CCNL1: variants seen among roughly 807,000 people sequenced by gnomAD.
CCNL1 encodes cyclin L1.
Under a neutral mutation model 60.6 loss-of-function variants are expected in CCNL1, and 13 were observed. The observed-to-expected ratio is 0.21, with a 90% CI of 0.14 to 0.34. CCNL1 has a LOEUF of 0.34. Among genes scored for constraint, CCNL1 ranks in the 10% least tolerant of loss-of-function variants. CCNL1 has a pLI of 1.00. For missense variants in CCNL1, 481 were observed against 664.3 expected (o/e 0.72, Z 3.03); for synonymous variants, 270 against 244.3 (o/e 1.10, Z -0.98).
chr3:157,152,455 G>A lies in CCNL1; in HGVS notation c.610-214C>T, dbSNP rs563938216. ...TAGAAGCATATTTCAAAATTGTACA[G>A]GAAAAAAGGCAATTAAAAGAATATT... On this transcript the variant is annotated intron_variant, in intron 4 of 10. Transcript: ENST00000295926. The A allele has an allele frequency of 4.1e-4, 510 of 1,255,530 alleles. 1 individual carries two copies. The highest frequency in any genetic ancestry group is 4.8e-4 in the Non-Finnish European group (480 of 995,560). 77.8% of individuals were successfully genotyped at this position (1,255,530 alleles called of 1,614,324 possible). A position where few individuals can be genotyped will look rare whatever the true frequency, so the allele number is the denominator to read the frequency against.
intron 3 of CCNL1, 187 bp downstream of exon 3, chr3:157,158,679 G>T (rs140087826): frequency 2.1e-6 from 1 of 472,984 alleles, no homozygotes; most frequent in Non-Finnish European, 3.8e-6. Flanking sequence ...TTAGATAACC[G>T]GTTAATTATG....
chr3:157,150,584 CTATA>C, intron 5 of CCNL1: 2 of 1,298,528 alleles, frequency 1.5e-6, no homozygotes, highest in Non-Finnish European at 2.0e-6. Context: ...TGCGATTTTC[CTATA>C]TATGAGCGAA....
intron 5 of CCNL1, chr3:157,151,835 G>C: frequency 8.6e-7 from 1 of 1,159,372 alleles, no homozygotes; most frequent in Non-Finnish European, 1.1e-6. Flanking sequence ...GCTTGCACTG[G>C]ATTGGCTGGA....
chr3:157,149,987 GA>G lies in CCNL1; in HGVS notation c.880-11del, dbSNP rs61216814. ...GTAATTCATAGTTTGGCTGTTGGAG[GA>G]AAAAAAAGTTAGTATTTCTTCCTTA... On this transcript the variant is annotated splice_polypyrimidine_tract_variant and intron_variant, in intron 7 of 10. Coordinates refer to ENST00000295926, the MANE Select transcript of CCNL1 (RefSeq NM_020307.4). 6.2e-7 allele frequency: 1 copy of G among 1,600,882 alleles called. No individual in the cohort carries two copies. The highest frequency in any genetic ancestry group is 8.5e-7 in the Non-Finnish European group (1 of 1,173,826).
intron 1 of CCNL1, 146 bp downstream of exon 1, chr3:157,159,646 G>C: frequency 1.0e-6 from 1 of 1,004,580 alleles, no homozygotes; most frequent in Non-Finnish European, 1.4e-6. Context: ...CCCCGCCCCG[G>C]CACGCCCCGG....
In CCNL1 at chr3:157,147,624, A is replaced by C; in HGVS notation, c.*617T>G. The C allele has an allele frequency of 1.0e-6, 1 of 985,320 alleles. No homozygotes were observed. The highest frequency in any genetic ancestry group is 1.2e-6 in the Non-Finnish European group (1 of 829,824). The allele number at this position is 985,320 out of a possible 1,614,324, so 61.0% of individuals were successfully genotyped here. A position where few individuals can be genotyped will look rare whatever the true frequency, so the allele number is the denominator to read the frequency against. On this transcript the variant is annotated 3_prime_UTR_variant, in exon 11 of 11. Coordinates refer to ENST00000295926, the MANE Select transcript of CCNL1 (RefSeq NM_020307.4). The stretch of plus-strand genomic sequence containing the variant: ...GGCGACTCCCATTTACTTTTTCCAT[A>C]TATACAGTGAAGACTTACAATAGCT...
chr3:157,157,892 C>A (rs942833972), intron 3 of CCNL1, among the ~76,000 whole-genome samples: 1 of 152,178 alleles, frequency 6.6e-6, no homozygotes, highest in Non-Finnish European at 1.5e-5. Flanking sequence ...AAGGACTACT[C>A]ATATAGAATA....
downstream of CCNL1, chr3:157,146,628 GT>G (rs1401578898): frequency 1.2e-5 from 4 of 334,174 alleles, no homozygotes; most frequent in South Asian, 4.4e-5. Flanking sequence ...AAAAAAAAAA[GT>G]TAAAAAAAAA....
rs1230738772 is a variant in CCNL1 at position 157,151,446 on chromosome 3, C to T, written c.674+731G>A. On this transcript the variant is annotated intron_variant, in intron 5 of 10. Transcript: ENST00000295926. ...TTTAAGCAATATTATAGTAACATCT[C>T]TTTTAAAAATGAAGTGCTTCTTGCT... The T allele has an allele frequency of 1.8e-5, 18 of 985,820 alleles. No individual in the cohort carries two copies. In the East Asian group the frequency reaches 1.9e-3, roughly 106 times the overall value. The allele number at this position is 985,820 out of a possible 1,614,324, so 61.1% of individuals were successfully genotyped here.
At chr3:157,145,436 T>A (rs1240444015), downstream of CCNL1, among the ~76,000 whole-genome samples, 1 of 8,586 alleles carries the variant, frequency 1.2e-4, no homozygotes, top group Admixed American at 3.1e-3. Context: ...AGACTTCATC[T>A]CAAAAAAAAA....
chr3:157,146,371 G>A (rs1433244446), downstream of CCNL1: 5 of 267,402 alleles, frequency 1.9e-5, no homozygotes, highest in East Asian at 5.5e-4. Context: ...AGCCCACAAA[G>A]CCACCTCTAA....
chr3:157,157,541 A>C (rs1738713803), intron 3 of CCNL1, among the ~76,000 whole-genome samples: 1 of 152,198 alleles, frequency 6.6e-6, no homozygotes, highest in Non-Finnish European at 1.5e-5. Flanking sequence ...CATTACTTTA[A>C]ACATCCTGAA....
intron 3 of CCNL1, among the ~76,000 whole-genome samples, chr3:157,158,466 A>T (rs1406845102): frequency 6.6e-6 from 1 of 152,258 alleles, no homozygotes; most frequent in Non-Finnish European, 1.5e-5. Flanking sequence ...TAATCTACAC[A>T]GAACTTTGCC....
Position 157,147,908 on chromosome 3 carries a change from G to C in CCNL1, c.*333C>G, listed in dbSNP as rs1737856885. ...ATTTAAACAAATAACCACTTAAATA[G>C]AACAGTGTCTGCAATTTTATCTGTA... On this transcript the variant is annotated 3_prime_UTR_variant, in exon 11 of 11. Transcript: ENST00000295926. 9.7e-7 allele frequency: 1 copy of C among 1,031,368 alleles called. No individual in the cohort carries two copies. Among genetic ancestry groups the C allele is most frequent in the East Asian group, 8.5e-5 (1 of 11,766 alleles). 63.9% of individuals were successfully genotyped at this position (1,031,368 alleles called of 1,614,324 possible).
downstream of CCNL1, among the ~76,000 whole-genome samples, chr3:157,145,377 G>A (rs2108102973): frequency 7.5e-6 from 1 of 133,344 alleles, no homozygotes; most frequent in South Asian, 2.5e-4. Flanking sequence ...GTGGGAGCTT[G>A]CAGTAACCCG....
intron 4 of CCNL1, chr3:157,152,623 G>A: frequency 9.3e-7 from 1 of 1,069,726 alleles, no homozygotes; most frequent in Non-Finnish European, 1.1e-6. Context: ...AGAGATGTTG[G>A]GAGAAACAAA....
downstream of CCNL1, among the ~76,000 whole-genome samples, chr3:157,144,465 G>GT (rs1737726377): frequency 6.6e-6 from 1 of 152,230 alleles, no homozygotes; most frequent in Non-Finnish European, 1.5e-5. Context: ...TCACTGTGGA[G>GT]GAATGATTTA....
At position 157,159,214 on chromosome 3, in the gene CCNL1, A is replaced by G. The variant is rs969053837; in HGVS notation, c.378+191T>C. 1.1e-5 allele frequency: 7 copies of G among 649,816 alleles called. No homozygotes were observed. In the African/African-American group the frequency reaches 1.3e-4, roughly 12 times the overall value. The allele number at this position is 649,816 out of a possible 1,614,324, so 40.3% of individuals were successfully genotyped here. A position where few individuals can be genotyped will look rare whatever the true frequency, so the allele number is the denominator to read the frequency against. ...TTGGTTGAAAACTGTACTTTTCGTT[A>G]AGAGGGCACTTAGGCTCGTGATCGA... is the stretch of plus-strand genomic sequence containing the variant. On this transcript the variant is annotated intron_variant, in intron 2 of 10. Transcript: ENST00000295926.
At chr3:157,154,524 T>C (rs1285660125) in intron 3 of CCNL1, 3 of 152,138 alleles carry the variant, frequency 2.0e-5, no homozygotes, top group Non-Finnish European at 4.4e-5. Context: ...AAAAATGTAA[T>C]CTCATATTTT....
Sources: gnomAD v4.1 joint callset for allele counts (sites outside exome capture counted in the v4.1 genomes callset) on GRCh38, gnomAD v4.1.1 for gene constraint, MANE v1.5 for transcripts, NCBI Gene and HGNC (gene_info 2026-07-23, HGNC 2026-07-21) for gene names.